Variants in RTL1 observed in about 807,000 individuals in gnomAD.
RTL1 encodes retrotransposon Gag like 1.
For missense variants in RTL1, 1,681 were observed against 1,767.5 expected (o/e 0.95, Z 0.88); for synonymous variants, 727 against 748.4 (o/e 0.97, Z 0.47).
At chr14:100,895,928 C>T (rs976332754) in intron 2 of RTL1, among the ~76,000 whole-genome samples, 1 of 152,036 alleles carries the variant, frequency 6.6e-6, no homozygotes, top group African/African-American at 2.4e-5. Context: ...ACAAAATTAG[C>T]TGGGCGTGGT....
chr14:100,883,244 T>C lies in RTL1; in HGVS notation c.1545A>G (p.Glu515=). 1 of 1,551,632 alleles carries C rather than the reference T, an allele frequency of 6.4e-7. No homozygotes were observed. Among genetic ancestry groups the C allele is most frequent in the Middle Eastern group, 1.7e-4 (1 of 5,992 alleles). Residue 515 remains glutamate (E), a synonymous_variant, in exon 4 of 4, where the codon GAA becomes GAG. Transcript: ENST00000649591. This position sits in a 1 kb window ranked among gnomAD's most constrained non-coding sequence, Gnocchi z 5.9. The part of the protein sequence containing the change: ...GIRWLRVHAP[E]VDWIKGRCTF... ...TGCAGCGGCCTTTGATCCAGTCGACTTCGGGGGCGTGGACTCGGAGCCAGC... is the reference window on the plus strand; with the variant it reads ...TGCAGCGGCCTTTGATCCAGTCGACCTCGGGGGCGTGGACTCGGAGCCAGC...
intron 1 of RTL1, among the ~76,000 whole-genome samples, 86 bp downstream of exon 1, chr14:100,903,519 G>C (rs1027328802): frequency 6.6e-6 from 1 of 152,136 alleles, no homozygotes; most frequent in African/African-American, 2.4e-5. Context: ...GAACTCACCC[G>C]GGCAATAACC....
intron 2 of RTL1, among the ~76,000 whole-genome samples, chr14:100,895,721 C>T (rs2038846644): frequency 6.6e-6 from 1 of 152,156 alleles, no homozygotes; most frequent in Non-Finnish European, 1.5e-5. Context: ...CTACCCCAGC[C>T]TGCAGGTTGG....
At position 100,884,783 on chromosome 14, in the gene RTL1, T is replaced by A. The variant is rs766154011; in HGVS notation, c.6A>T (p.Ile2=). 6 of 1,562,000 alleles carry A rather than the reference T, an allele frequency of 3.8e-6. No homozygotes were observed. In the African/African-American group the frequency reaches 6.9e-5, roughly 18 times the overall value. Reference sequence around the variant, plus strand: ...TCTCAAATGAGTCTTCAGAGGGTTCTATCATTTCGTCGGATGGAAAGGAGT... The same window carrying A: ...TCTCAAATGAGTCTTCAGAGGGTTCAATCATTTCGTCGGATGGAAAGGAGT... M[I]EPSEDSFETM... The change falls in exon 4 of 4, where the codon ATA becomes ATT. Residue 2 remains isoleucine, a synonymous_variant. Coordinates refer to ENST00000649591, the MANE Select transcript of RTL1 (RefSeq NM_001134888.3).
Position 100,884,727 on chromosome 14 carries a change from T to C in RTL1, c.62A>G (p.Lys21Arg), listed in dbSNP as rs1265741270. ...TMMEHKNPSSKQMESSEGSSN... is the reference protein window; with the variant it reads ...TMMEHKNPSSRQMESSEGSSN... ...TGAGCCCTCGGAGGACTCCATTTGTTTTGATGATGGATTCTTATGCTCCAT... is the reference window on the plus strand; with the variant it reads ...TGAGCCCTCGGAGGACTCCATTTGTCTTGATGATGGATTCTTATGCTCCAT... Residue 21 changes from lysine (K) to arginine (R), a missense_variant, in exon 4 of 4, where the codon AAA becomes AGA. Transcript: ENST00000649591. The C allele has an allele frequency of 2.5e-6, 4 of 1,608,880 alleles. No individual in the cohort carries two copies. Among genetic ancestry groups the C allele is most frequent in the Non-Finnish European group, 8.5e-7 (1 of 1,178,378 alleles).
chr14:100,882,977 G>A lies in RTL1; in HGVS notation c.1812C>T (p.Ser604=), dbSNP rs750039752. 4.3e-6 allele frequency: 7 copies of A among 1,614,088 alleles called. No individual in the cohort carries two copies. The highest frequency in any genetic ancestry group is 4.0e-5 in the African/African-American group (3 of 75,046). The change falls in exon 4 of 4, where the codon AGC becomes AGT. Residue 604 remains serine (S), a synonymous_variant. Coordinates refer to ENST00000649591, the MANE Select transcript of RTL1 (RefSeq NM_001134888.3). ...TGGAGGGACACTCGTAAAAGGTCTC[G>A]CTGTGATCACTGTCTCCAGCCTGCT... ...ELQQAGDSDH[S]ETFYECPSTA...
chr14:100,881,171 G>C lies in RTL1; in HGVS notation c.3618C>G (p.Pro1206=). 1 of 1,542,282 alleles carries C rather than the reference G, an allele frequency of 6.5e-7. No homozygotes were observed. The highest frequency in any genetic ancestry group is 1.2e-5 in the South Asian group (1 of 82,014). Residue 1206 remains proline (P), a synonymous_variant, in exon 4 of 4, where the codon CCC becomes CCG. Coordinates refer to ENST00000649591, the MANE Select transcript of RTL1 (RefSeq NM_001134888.3). The surrounding 1 kb of genome is among the most constrained non-coding windows in gnomAD (Gnocchi z 6.6). ...GCAGGGCAGGGAGGTGGCCCTCCTG[G>C]GGGGTGACTCTGACACCGAAGAACT... ...LCEFFGVRVT[P]QEGHLPALRQ...
Position 100,882,526 on chromosome 14 carries a change from G to C in RTL1, c.2263C>G (p.Arg755Gly). ...CAGTAGACGTTGTGATGGCGGAAGC[G>C]GACCAGGACTTGGCGGACGTGGTGG... ...HLHHVRQVLVRFRHHNVYCSL... is the reference protein window; with the variant it reads ...HLHHVRQVLVGFRHHNVYCSL... The change falls in exon 4 of 4, where the codon CGC becomes GGC. Residue 755 changes from arginine (R) to glycine (G), a missense_variant. Physicochemically the swap from Arg to Gly is moderately radical, Grantham distance 125. Coordinates refer to ENST00000649591, the MANE Select transcript of RTL1 (RefSeq NM_001134888.3). The C allele has an allele frequency of 6.4e-7, 1 of 1,551,898 alleles. No individual in the cohort carries two copies. Among genetic ancestry groups the C allele is most frequent in the Non-Finnish European group, 8.7e-7 (1 of 1,147,054 alleles).
At position 100,903,297 on chromosome 14, in the gene RTL1, C is replaced by T. The variant is rs565765145; in HGVS notation, c.-155G>A. 1.3e-5 allele frequency among the ~76,000 whole-genome samples: 2 copies of T among 152,206 alleles called. No individual in the cohort carries two copies. Among genetic ancestry groups the T allele is most frequent in the East Asian group, 1.9e-4 (1 of 5,178 alleles). On this transcript the variant is annotated 5_prime_UTR_variant, in exon 2 of 4. Transcript: ENST00000649591. ...GCCACCACAGTGTACCTACCTTCCC[C>T]GGGCCCAGTCCCAAGCGTGAGGCTG...
chr14:100,881,887 CG>C lies in RTL1; in HGVS notation c.2901del (p.His969IlefsTer28). 1 of 1,613,598 alleles carries C rather than the reference CG, an allele frequency of 6.2e-7. No homozygotes were observed. The highest frequency in any genetic ancestry group is 8.5e-7 in the Non-Finnish European group (1 of 1,180,016). On this transcript the variant is annotated frameshift_variant, in exon 4 of 4. Coordinates refer to ENST00000649591, the MANE Select transcript of RTL1 (RefSeq NM_001134888.3). LOFTEE classifies it low-confidence loss of function (END_TRUNC). This position sits in a 1 kb window ranked among gnomAD's most constrained non-coding sequence, Gnocchi z 6.6. ...TGGGAGAAGAAGAAGACCCAATGCC[CG>C]GGGAGAAGTACGGTGAGCCTGTCAT... ...LNNDRLTVLL[P>X]GHWVFFFSHF...
Position 100,883,113 on chromosome 14 carries a change from T to A in RTL1, c.1676A>T (p.Tyr559Phe). 6.2e-7 allele frequency: 1 copy of A among 1,612,846 alleles called. No homozygotes were observed. Among genetic ancestry groups the A allele is most frequent in the Non-Finnish European group, 8.5e-7 (1 of 1,179,540 alleles). The change falls in exon 4 of 4, where the codon TAC becomes TTC. Residue 559 changes from tyrosine (Y) to phenylalanine (F), a missense_variant. Coordinates refer to ENST00000649591, the MANE Select transcript of RTL1 (RefSeq NM_001134888.3). The surrounding 1 kb of genome is among the most constrained non-coding windows in gnomAD (Gnocchi z 5.9). Reference sequence around the variant, plus strand: ...GTTAAACACGTCGGCCAGGTCTGAGTATGGGTGTGGCAGTCCGGGTAGCAG... The same window carrying A: ...GTTAAACACGTCGGCCAGGTCTGAGAATGGGTGTGGCAGTCCGGGTAGCAG... Reference protein sequence around the residue: ...MSLLPGLPHPYSDLADVFNPK... With the variant: ...MSLLPGLPHPFSDLADVFNPK...
At chr14:100,887,732 A>G (rs548696613) in intron 3 of RTL1, among the ~76,000 whole-genome samples, 3 of 149,328 alleles carry the variant, frequency 2.0e-5, no homozygotes, top group African/African-American at 7.2e-5. Flanking sequence ...CTTGGGCAAC[A>G]GAGGGAGATT....
At position 100,883,580 on chromosome 14, in the gene RTL1, G is replaced by C. The variant is rs1270409740; in HGVS notation, c.1209C>G (p.Asp403Glu). The change falls in exon 4 of 4, where the codon GAC becomes GAG. Residue 403 changes from aspartate (D) to glutamate (E), a missense_variant. By Grantham distance (45) the Asp-to-Glu change is conservative (BLOSUM62 2). Transcript: ENST00000649591. The surrounding 1 kb of genome is among the most constrained non-coding windows in gnomAD (Gnocchi z 5.9). ...GCAGGAAGAGGTGGGCGCGATTGAT[G>C]TCCGGATGGACTTCGCTGGGCAACC... is the stretch of plus-strand genomic sequence containing the variant. ...SSWLPSEVHPDINRAHLFLLL... is the reference protein window; with the variant it reads ...SSWLPSEVHPEINRAHLFLLL... 9 of 1,551,306 alleles carry C rather than the reference G, an allele frequency of 5.8e-6. No individual in the cohort carries two copies. The highest frequency in any genetic ancestry group is 7.8e-6 in the Non-Finnish European group (9 of 1,146,990).
intron 3 of RTL1, among the ~76,000 whole-genome samples, chr14:100,892,668 C>T (rs79902510): frequency 0.03 from 4,549 of 152,122 alleles, 97 homozygotes; most frequent in Non-Finnish European, 0.041. Context: ...TAATTATCGG[C>T]GACAATGGTG....
rs771369928 is a variant in RTL1 at position 100,883,659 on chromosome 14, C to T, written c.1130G>A (p.Arg377Gln). ...MLRLPPEARPRNLTWIDSPAP... is the reference protein window; with the variant it reads ...MLRLPPEARPQNLTWIDSPAP... ...AGGTGAGTCGATCCAGGTCAGGTTC[C>T]GGGGGCGGGCCTCGGGGGGCAGCCT... The change falls in exon 4 of 4, where the codon CGG (arginine) becomes CAG (glutamine). Residue 377 changes from arginine to glutamine, a missense_variant. Transcript: ENST00000649591. This position sits in a 1 kb window ranked among gnomAD's most constrained non-coding sequence, Gnocchi z 5.9. 6.3e-5 allele frequency: 98 copies of T among 1,551,242 alleles called. No homozygotes were observed. The Middle Eastern group carries it at 6.7e-4, about 11-fold the overall frequency.
chr14:100,891,706 C>T (rs1327487613), intron 3 of RTL1, among the ~76,000 whole-genome samples: 1 of 152,202 alleles, frequency 6.6e-6, no homozygotes, highest in African/African-American at 2.4e-5. Context: ...TTGCCCAAAT[C>T]AGCGGGGCCA....
chr14:100,898,928 C>A (rs2180386), intron 2 of RTL1: 82,292 of 152,152 alleles, frequency 0.54, 22,972 homozygotes, highest in East Asian at 0.8. Context: ...TCAACTGTTA[C>A]TCACCCTCCT....
rs541650149 is a variant in RTL1 at position 100,903,645 on chromosome 14, C to T, written c.-285G>A. On this transcript the variant is annotated 5_prime_UTR_variant, in exon 1 of 4. Coordinates refer to ENST00000649591, the MANE Select transcript of RTL1 (RefSeq NM_001134888.3). ...GTGAGGCTGGGCCAGGATGGAACCCCAGACTCTCCGAGGCTCCCCACCACA... is the reference window on the plus strand; with the variant it reads ...GTGAGGCTGGGCCAGGATGGAACCCTAGACTCTCCGAGGCTCCCCACCACA... Among the ~76,000 whole-genome samples, 58 of 152,294 alleles carry T rather than the reference C, an allele frequency of 3.8e-4. No individual in the cohort carries two copies. Among genetic ancestry groups the T allele is most frequent in the Non-Finnish European group, 7.6e-4 (52 of 68,020 alleles).
chr14:100,883,680 A>G lies in RTL1; in HGVS notation c.1109T>C (p.Leu370Pro), dbSNP rs1410690236. 1.3e-6 allele frequency: 2 copies of G among 1,551,568 alleles called. No homozygotes were observed. The highest frequency in any genetic ancestry group is 2.4e-5 in the South Asian group (2 of 84,058). ...GTTCCGGGGGCGGGCCTCGGGGGGC[A>G]GCCTGAGCATAGCTCTTCTCTCTGC... ...KLAERRAMLR[L>P]PPEARPRNLT... The change falls in exon 4 of 4, where the codon CTG becomes CCG. Residue 370 changes from leucine (L) to proline (P), a missense_variant. Coordinates refer to ENST00000649591, the MANE Select transcript of RTL1 (RefSeq NM_001134888.3). The surrounding 1 kb of genome is among the most constrained non-coding windows in gnomAD (Gnocchi z 5.9).
Sources: gnomAD v4.1 joint callset for allele counts (sites outside exome capture counted in the v4.1 genomes callset) on GRCh38, gnomAD v4.1.1 for gene constraint, Gnocchi (gnomAD v3.1) non-coding constraint, MANE v1.5 for transcripts, NCBI Gene and HGNC (gene_info 2026-07-23, HGNC 2026-07-21) for gene names.